The following ZSCAN25 variants were observed in gnomAD, a reference collection of about 807,000 sequenced individuals.
ZSCAN25 encodes zinc finger and SCAN domain-containing protein 25.
Under a neutral mutation model 38.7 loss-of-function variants are expected in ZSCAN25, and 27 were observed. That is an observed-to-expected ratio of 0.70 (90% CI 0.51 to 0.96). ZSCAN25 has a LOEUF of 0.96. Among genes scored for constraint, ZSCAN25 ranks in the 40% least tolerant of loss-of-function variants. The pLI is 0.00. For synonymous variants in ZSCAN25, 273 were observed against 277.7 expected, an observed-to-expected ratio of 0.98 and a Z score of 0.17; for missense variants, 637 against 705.9, an observed-to-expected ratio of 0.90 and a Z score of 1.11.
the ZSCAN25 span, among the ~76,000 whole-genome samples, chr7:99,728,783 A>C: frequency 6.6e-6 from 1 of 152,034 alleles, no homozygotes; most frequent in African/African-American, 2.4e-5. Context: ...TGCTTCCACT[A>C]TTGCCCTTGG....
the ZSCAN25 span, chr7:99,710,962 A>T: frequency 1.3e-5 from 21 of 1,609,948 alleles, no homozygotes; most frequent in South Asian, 1.5e-4. Context: ...GATGAAAAGA[A>T]ATCTAAGTGG....
the ZSCAN25 span, among the ~76,000 whole-genome samples, chr7:99,706,927 C>T: frequency 6.6e-6 from 1 of 152,150 alleles, no homozygotes; most frequent in Non-Finnish European, 1.5e-5. Flanking sequence ...GGGGGGAAGA[C>T]ATTCTTAGAT....
the ZSCAN25 span, among the ~76,000 whole-genome samples, chr7:99,646,829 CACACACACAT>C: frequency 6.6e-6 from 1 of 151,868 alleles, no homozygotes; most frequent in African/African-American, 2.4e-5. Flanking sequence ...CACACACACA[CACACACACAT>C]GCATGCTCAC....
the ZSCAN25 span, among the ~76,000 whole-genome samples, chr7:99,655,795 A>G: frequency 6.6e-6 from 1 of 152,152 alleles, no homozygotes; most frequent in Admixed American, 6.5e-5. Context: ...GGTCCTTCAC[A>G]TCCCTTGTAA....
chr7:99,734,514 C>T, the ZSCAN25 span, among the ~76,000 whole-genome samples: 10 of 152,100 alleles, frequency 6.6e-5, no homozygotes, highest in African/African-American at 2.4e-4. Context: ...GGGGGAGATG[C>T]TTATTTATTC....
the ZSCAN25 span, among the ~76,000 whole-genome samples, chr7:99,697,715 G>A: frequency 6.6e-6 from 1 of 152,152 alleles, no homozygotes; most frequent in Non-Finnish European, 1.5e-5. Context: ...AAATACAACT[G>A]AGAAATGGCA....
chr7:99,736,479 C>T, the ZSCAN25 span, among the ~76,000 whole-genome samples: 4 of 152,102 alleles, frequency 2.6e-5, no homozygotes, highest in African/African-American at 7.2e-5. Context: ...ACCTGTGAGC[C>T]CTGTGACCCA....
chr7:99,710,832 G>C, the ZSCAN25 span: 1 of 1,613,822 alleles, frequency 6.2e-7, no homozygotes, highest in Non-Finnish European at 8.5e-7. Flanking sequence ...ACTGCTCGTG[G>C]TTTCATAGCC....
chr7:99,665,112 T>C, the ZSCAN25 span: 1 of 1,406,118 alleles, frequency 7.1e-7, no homozygotes, highest in Non-Finnish European at 9.8e-7. Context: ...GTGAATTATA[T>C]GTCAAGAAAG....
At chr7:99,704,879 G>A in the ZSCAN25 span, among the ~76,000 whole-genome samples, 1,921 of 152,104 alleles carry the variant, frequency 0.013, 29 homozygotes, top group African/African-American at 0.044. Context: ...GGAGAATGGC[G>A]TGAACCTGGG....
chr7:99,733,450 A>G, the ZSCAN25 span, among the ~76,000 whole-genome samples: 25 of 152,276 alleles, frequency 1.6e-4, no homozygotes, highest in African/African-American at 5.3e-4. Context: ...AGAAAAATCC[A>G]TCATCTATTG....
the ZSCAN25 span, among the ~76,000 whole-genome samples, chr7:99,687,759 G>C: frequency 6.6e-6 from 1 of 152,150 alleles, no homozygotes; most frequent in African/African-American, 2.4e-5. Flanking sequence ...AAATGTTAAG[G>C]GCAGCCAGAG....
the ZSCAN25 span, among the ~76,000 whole-genome samples, chr7:99,709,631 C>T: frequency 9.1e-4 from 138 of 152,184 alleles, no homozygotes; most frequent in Admixed American, 8.0e-3. Context: ...AGAGGTTACA[C>T]GTCTGTAACC....
the ZSCAN25 span, among the ~76,000 whole-genome samples, chr7:99,728,756 G>C: frequency 3.3e-4 from 50 of 152,252 alleles, no homozygotes; most frequent in East Asian, 8.3e-3. Context: ...CCCTCTACTT[G>C]TAGGGTTAGG....
At chr7:99,712,071 G>T in the ZSCAN25 span, among the ~76,000 whole-genome samples, 1 of 152,186 alleles carries the variant, frequency 6.6e-6, no homozygotes, top group Non-Finnish European at 1.5e-5. Context: ...GTGATTGCAA[G>T]TTGGCCCCTC....
the ZSCAN25 span, among the ~76,000 whole-genome samples, chr7:99,657,658 G>A: frequency 6.6e-6 from 1 of 152,290 alleles, no homozygotes; most frequent in Non-Finnish European, 1.5e-5. Flanking sequence ...CTGTCCTGTT[G>A]ATCTGTCTAG....
the ZSCAN25 span, chr7:99,720,170 T>C: frequency 4.0e-6 from 4 of 989,596 alleles, no homozygotes; most frequent in Non-Finnish European, 6.1e-6. Context: ...TTGCAAGATG[T>C]TACCATGGGG....
At chr7:99,705,369 C>T in the ZSCAN25 span, 1 of 1,052,058 alleles carries the variant, frequency 9.5e-7, no homozygotes, top group Non-Finnish European at 1.4e-6. Flanking sequence ...GTACAGAATC[C>T]CTGATTATTT....
the ZSCAN25 span, among the ~76,000 whole-genome samples, chr7:99,642,903 G>A: frequency 6.6e-6 from 1 of 152,142 alleles, no homozygotes; most frequent in Non-Finnish European, 1.5e-5. Flanking sequence ...GGTCTGTGAT[G>A]TGAAGAAGGC....
Sources: gnomAD v4.1 joint callset for allele counts (sites outside exome capture counted in the v4.1 genomes callset) on GRCh38, gnomAD v4.1.1 for gene constraint, MANE v1.5 for transcripts, NCBI Gene and HGNC (gene_info 2026-07-23, HGNC 2026-07-21) for gene names.